The following MMD2 variants were observed in gnomAD, a reference collection of about 807,000 sequenced individuals.
MMD2 encodes monocyte to macrophage differentiation associated 2.
Under a neutral mutation model 33.5 loss-of-function variants are expected in MMD2, and 30 were observed. The observed-to-expected ratio is 0.90, with a 90% CI of 0.67 to 1.22. The LOEUF is 1.22. MMD2 is among the 50% of genes most tolerant of loss of function. MMD2 has a pLI of 0.00. For synonymous variants in MMD2, 129 were observed against 123.0 expected (o/e 1.05, Z -0.32); for missense variants, 364 against 325.4 (o/e 1.12, Z -0.91).
In MMD2 at chr7:4,911,180, G is replaced by A. The variant is rs1479550062; in HGVS notation, c.432C>T (p.Ser144=). The part of the protein sequence containing the change: ...HMRWLVWIMA[S]VGTIYVFFFH... ...AGAAGAAGACATAGATGGTGCCCAC[G>A]GAAGCCATAATCCAGACCAGCCAGC... is the stretch of plus-strand genomic sequence containing the variant. The change falls in exon 5 of 7, where the codon TCC becomes TCT. Residue 144 remains serine (S), a synonymous_variant. Transcript: ENST00000401401. 1.3e-5 allele frequency: 21 copies of A among 1,597,576 alleles called. No individual in the cohort carries two copies. Among genetic ancestry groups the A allele is most frequent in the Middle Eastern group, 1.6e-4 (1 of 6,072 alleles).
Position 4,932,708 on chromosome 7 carries a change from C to T in MMD2, c.48-7176G>A, listed in dbSNP as rs1024837934. 1.3e-4 allele frequency among the ~76,000 whole-genome samples: 20 copies of T among 151,056 alleles called. 1 individual carries two copies. The highest frequency in any genetic ancestry group is 4.2e-4 in the South Asian group (2 of 4,804). ...CATGATCTCAGCTCACTGCAGCTTC[C>T]ACCTCTTGGGTTCAAGTGATTCTCC... On this transcript the variant is annotated intron_variant, in intron 1 of 6. Coordinates refer to ENST00000401401, the MANE Select transcript of MMD2 (RefSeq NM_198403.4).
chr7:4,896,246 G>A, the MMD2 span, among the ~76,000 whole-genome samples: 1 of 152,132 alleles, frequency 6.6e-6, no homozygotes, highest in Admixed American at 6.6e-5. Flanking sequence ...TTGGGAGGCT[G>A]AGGCGGGTGG....
At chr7:4,923,858 A>AC (rs2115109617) in intron 2 of MMD2, among the ~76,000 whole-genome samples, 1 of 152,020 alleles carries the variant, frequency 6.6e-6, no homozygotes, top group African/African-American at 2.4e-5. Context: ...CAAACTTAGA[A>AC]CCCAGTGTGG....
At chr7:4,920,453 G>A (rs939890738) in intron 2 of MMD2, 122 bp from the exon 3 acceptor site, 9 of 900,228 alleles carry the variant, frequency 1.0e-5, no homozygotes, top group Middle Eastern at 2.8e-4. Flanking sequence ...TGTGGTCAGT[G>A]CCACTGAAGA....
rs1419819612 is a variant in MMD2 at position 4,940,763 on chromosome 7, C to A, written c.48-15231G>T. Among the ~76,000 whole-genome samples, 1 of 152,148 alleles carries A rather than the reference C, an allele frequency of 6.6e-6. No homozygotes were observed. Among genetic ancestry groups the A allele is most frequent in the Non-Finnish European group, 1.5e-5 (1 of 68,012 alleles). On this transcript the variant is annotated intron_variant, in intron 1 of 6. Coordinates refer to ENST00000401401, the MANE Select transcript of MMD2 (RefSeq NM_198403.4). The surrounding 1 kb of genome is among the most constrained non-coding windows in gnomAD (Gnocchi z 5.0). ...AAACTGAGCAAGGGGTGGAAGGGGC[C>A]CGGGCTTGCATCTCGTGCCAGAGGC...
the MMD2 span, among the ~76,000 whole-genome samples, chr7:4,893,004 G>A: frequency 2.0e-5 from 3 of 152,184 alleles, no homozygotes; most frequent in Admixed American, 1.3e-4. Context: ...GCGAGCCACC[G>A]CACCCAGCTG....
chr7:4,897,685 C>A, the MMD2 span, among the ~76,000 whole-genome samples: 1 of 152,118 alleles, frequency 6.6e-6, no homozygotes, highest in Non-Finnish European at 1.5e-5. Flanking sequence ...GGCAGAGTAG[C>A]CCTTCCAACA....
At chr7:4,954,026 T>G (rs1786321516) in intron 1 of MMD2, among the ~76,000 whole-genome samples, 2 of 151,656 alleles carry the variant, frequency 1.3e-5, no homozygotes, top group Admixed American at 6.6e-5. Context: ...CCAGCTAATT[T>G]TTTTCTTTTT....
At chr7:4,934,284 A>G (rs1663667537) in intron 1 of MMD2, among the ~76,000 whole-genome samples, 1 of 148,702 alleles carries the variant, frequency 6.7e-6, no homozygotes. Context: ...TTGGATTTTT[A>G]GCGGAGACAG....
chr7:4,903,157 G>C (rs1368117658), downstream of MMD2, among the ~76,000 whole-genome samples: 1 of 152,140 alleles, frequency 6.6e-6, no homozygotes, highest in Non-Finnish European at 1.5e-5. Flanking sequence ...AGAATCACTT[G>C]AACCCAGGAG....
At chr7:4,922,732 G>A (rs11768152) in intron 2 of MMD2, among the ~76,000 whole-genome samples, 90,156 of 151,794 alleles carry the variant, frequency 0.59, 26,873 homozygotes, top group East Asian at 0.68. Context: ...ATGCCACTGC[G>A]CCTGGCTCCT....
chr7:4,930,070 C>A (rs1199831279), intron 1 of MMD2, among the ~76,000 whole-genome samples: 1 of 146,170 alleles, frequency 6.8e-6, no homozygotes, highest in Non-Finnish European at 1.5e-5. Flanking sequence ...GAGATCTAGA[C>A]CATCCTGGCT....
intron 1 of MMD2, among the ~76,000 whole-genome samples, chr7:4,939,159 G>C (rs1472679811): frequency 6.6e-6 from 1 of 151,932 alleles, no homozygotes; most frequent in African/African-American, 2.4e-5. Context: ...CTGAGATCGT[G>C]CCACTGCACT....
downstream of MMD2, among the ~76,000 whole-genome samples, chr7:4,905,381 A>G (rs561101236): frequency 9.1e-5 from 13 of 143,586 alleles, no homozygotes; most frequent in East Asian, 2.8e-3. The surrounding 1 kb of genome is among the most constrained non-coding windows in gnomAD (Gnocchi z 5.0). Flanking sequence ...GGGGAAGAGG[A>G]GGAAGGGGAA....
chr7:4,914,605 C>T (rs943710839), intron 4 of MMD2, among the ~76,000 whole-genome samples: 1 of 152,000 alleles, frequency 6.6e-6, no homozygotes, highest in East Asian at 1.9e-4. Context: ...AGGGCAGTGC[C>T]CAGTCAATCA....
intron 1 of MMD2, among the ~76,000 whole-genome samples, chr7:4,954,765 G>A (rs1786340064): frequency 6.6e-6 from 1 of 151,946 alleles, no homozygotes; most frequent in Non-Finnish European, 1.5e-5. Context: ...TTTTTTTTAT[G>A]ATTTGTACTT....
chr7:4,920,943 C>G (rs1021793275), intron 2 of MMD2, among the ~76,000 whole-genome samples: 3 of 152,116 alleles, frequency 2.0e-5, no homozygotes, highest in Non-Finnish European at 2.9e-5. Context: ...GTCTTGAACT[C>G]CTGACCTCAG....
intron 1 of MMD2, among the ~76,000 whole-genome samples, chr7:4,957,860 C>T (rs1359110346): frequency 6.6e-6 from 1 of 152,172 alleles, no homozygotes; most frequent in East Asian, 1.9e-4. Context: ...GCCAGCCTTC[C>T]CTACCCTGGA....
intron 3 of MMD2, among the ~76,000 whole-genome samples, chr7:4,917,390 G>A (rs1785168239): frequency 6.6e-6 from 1 of 152,116 alleles, no homozygotes; most frequent in South Asian, 2.1e-4. Context: ...GGCCAGGCAT[G>A]GTGGCTCATG....
Sources: gnomAD v4.1 joint callset for allele counts (sites outside exome capture counted in the v4.1 genomes callset) on GRCh38, gnomAD v4.1.1 for gene constraint, Gnocchi (gnomAD v3.1) non-coding constraint, MANE v1.5 for transcripts, NCBI Gene and HGNC (gene_info 2026-07-23, HGNC 2026-07-21) for gene names.